The following PPFIBP1 variants were observed in gnomAD, a reference collection of about 807,000 sequenced individuals.
PPFIBP1 encodes PPFIB scaffold protein 1.
A neutral mutation model predicts 137.8 loss-of-function variants in PPFIBP1; 112 were observed. The ratio of observed to expected loss-of-function variants is 0.81; its 90% CI spans 0.70 to 0.95. The LOEUF is 0.95. Ranked by LOEUF, PPFIBP1 falls within the 40% of genes least tolerant of loss-of-function variation. PPFIBP1 has a pLI of 0.00. For missense variants in PPFIBP1, 1,083 were observed against 1,196.6 expected (o/e 0.91, Z 1.40); for synonymous variants, 378 against 417.3 (o/e 0.91, Z 1.15).
intron 17 of PPFIBP1, among the ~76,000 whole-genome samples, chr12:27,674,988 T>A (rs1031786803): frequency 1.6e-5 from 2 of 126,024 alleles, no homozygotes; most frequent in Non-Finnish European, 3.4e-5. Flanking sequence ...GTTTTTTTTT[T>A]TCGTTTGTTT....
At chr12:27,636,767 G>C (rs1223976794) in intron 4 of PPFIBP1, 1 of 152,226 alleles carries the variant, frequency 6.6e-6, no homozygotes, top group Non-Finnish European at 1.5e-5. Context: ...CTTACTGTGG[G>C]CTGCAAGGCC....
At chr12:27,572,666 G>T (rs958329713) in intron 1 of PPFIBP1, among the ~76,000 whole-genome samples, 1 of 152,102 alleles carries the variant, frequency 6.6e-6, no homozygotes, top group African/African-American at 2.4e-5. Flanking sequence ...ATGGAAAATG[G>T]GTTCACTGAG....
intron 11 of PPFIBP1, among the ~76,000 whole-genome samples, chr12:27,661,404 T>G (rs544382163): frequency 6.6e-6 from 1 of 152,200 alleles, no homozygotes; most frequent in Non-Finnish European, 1.5e-5. Context: ...CCCGAGAGAT[T>G]AAATACCAGA....
chr12:27,604,791 G>A (rs2054347308), intron 2 of PPFIBP1, among the ~76,000 whole-genome samples: 1 of 152,176 alleles, frequency 6.6e-6, no homozygotes, highest in Admixed American at 6.5e-5. Flanking sequence ...ACACACCCGA[G>A]ACTGGGAAAT....
At chr12:27,659,126 T>TC (rs1253004716) in intron 10 of PPFIBP1, among the ~76,000 whole-genome samples, 1 of 152,168 alleles carries the variant, frequency 6.6e-6, no homozygotes, top group Non-Finnish European at 1.5e-5. Context: ...TTCCCTGCAG[T>TC]CTAGGTGATT....
chr12:27,664,166 A>G (rs1004805852), intron 11 of PPFIBP1, among the ~76,000 whole-genome samples, 196 bp from the exon 12 acceptor site: 1 of 152,218 alleles, frequency 6.6e-6, no homozygotes, highest in Non-Finnish European at 1.5e-5. Context: ...AGTTATTACC[A>G]GTTCTCCTAA....
chr12:27,529,855 A>G (rs1272108100), intron 1 of PPFIBP1, among the ~76,000 whole-genome samples: 2 of 152,176 alleles, frequency 1.3e-5, no homozygotes, highest in African/African-American at 4.8e-5. Flanking sequence ...GGTATGCAGT[A>G]ATACTGTACC....
At chr12:27,647,921 T>C (rs1450441391) in intron 6 of PPFIBP1, 79 bp downstream of exon 6, 2 of 1,478,324 alleles carry the variant, frequency 1.4e-6, no homozygotes, top group Non-Finnish European at 1.8e-6. Flanking sequence ...TTGTGTTTGC[T>C]CTGATGCAGC....
At position 27,687,417 on chromosome 12, in the gene PPFIBP1, G is replaced by T. The variant is rs768158772; in HGVS notation, c.2280G>T (p.Val760=). Residue 760 remains valine, a synonymous_variant, in exon 25 of 30, where the codon GTG becomes GTT. Transcript: ENST00000228425. ...TACTGTCTCTGAAGGTTGTAAGTGT[G>T]CTACACCATCTCAGTATCAAAAGGG... The part of the protein sequence containing the change: ...DDLLSLKVVS[V]LHHLSIKRAI... The T allele has an allele frequency of 6.2e-7, 1 of 1,614,000 alleles. No individual in the cohort carries two copies. The highest frequency in any genetic ancestry group is 1.1e-5 in the South Asian group (1 of 91,072).
At chr12:27,557,502 G>A (rs1197455285) in intron 1 of PPFIBP1, among the ~76,000 whole-genome samples, 1 of 152,000 alleles carries the variant, frequency 6.6e-6, no homozygotes, top group Non-Finnish European at 1.5e-5. Flanking sequence ...ACGCCTGCTG[G>A]GATTACAGGC....
intron 2 of PPFIBP1, among the ~76,000 whole-genome samples, chr12:27,628,475 G>C (rs2057013972): frequency 6.6e-6 from 1 of 152,170 alleles, no homozygotes; most frequent in Admixed American, 6.5e-5. Context: ...CACTGTGCTT[G>C]GCCTTGGATG....
intron 2 of PPFIBP1, among the ~76,000 whole-genome samples, chr12:27,585,027 A>G (rs1301681314): frequency 6.6e-6 from 1 of 152,224 alleles, no homozygotes; most frequent in Non-Finnish European, 1.5e-5. Flanking sequence ...ATTAACTTGC[A>G]TAAATGTGTA....
chr12:27,643,498 C>T lies in PPFIBP1; in HGVS notation c.271-2564C>T, dbSNP rs12811018. On this transcript the variant is annotated intron_variant, in intron 4 of 29. Transcript: ENST00000228425. ...AGCAAACAGTGAATTCAAGGAAGACCTCACAGACCAAGCCCTGATAGAGGT... is the reference window on the plus strand; with the variant it reads ...AGCAAACAGTGAATTCAAGGAAGACTTCACAGACCAAGCCCTGATAGAGGT... Among the ~76,000 whole-genome samples, 798 of 121,874 alleles carry T rather than the reference C, an allele frequency of 6.5e-3. 4 individuals are homozygous for T. Among genetic ancestry groups the T allele is most frequent in the Non-Finnish European group, 8.2e-3 (463 of 56,652 alleles). 80.0% of individuals were successfully genotyped at this position (121,874 alleles called of 152,430 possible).
intron 5 of PPFIBP1, among the ~76,000 whole-genome samples, chr12:27,647,429 A>T (rs2058591905): frequency 6.6e-6 from 1 of 152,210 alleles, no homozygotes; most frequent in African/African-American, 2.4e-5. Context: ...CCCCCTAAAA[A>T]GATAACTTCT....
intron 6 of PPFIBP1, among the ~76,000 whole-genome samples, chr12:27,648,151 T>C (rs2058655613): frequency 6.6e-6 from 1 of 152,052 alleles, no homozygotes; most frequent in South Asian, 2.1e-4. Context: ...AATATAATAG[T>C]AAAAAATCTA....
intron 1 of PPFIBP1, among the ~76,000 whole-genome samples, chr12:27,564,612 A>G (rs529762053): frequency 1.3e-5 from 2 of 152,282 alleles, no homozygotes; most frequent in South Asian, 2.1e-4. Context: ...CTTTTCTCCA[A>G]CAGTCTCCAA....
chr12:27,620,656 T>C (rs2056256635), intron 2 of PPFIBP1, among the ~76,000 whole-genome samples: 1 of 152,124 alleles, frequency 6.6e-6, no homozygotes, highest in African/African-American at 2.4e-5. Flanking sequence ...TCTAGCTGTG[T>C]GACTTGGTGC....
At position 27,695,093 on chromosome 12, in the gene PPFIBP1, A is replaced by G. The variant is rs2061706474; in HGVS notation, c.*2211A>G. The G allele has an allele frequency of 1.3e-5, 2 of 150,964 alleles. No individual in the cohort carries two copies. The highest frequency in any genetic ancestry group is 6.7e-5 in the Admixed American group (1 of 14,948). The allele number at this position is 150,964 out of a possible 1,614,324, so 9.4% of individuals were successfully genotyped here. On this transcript the variant is annotated 3_prime_UTR_variant, in exon 30 of 30. Coordinates refer to ENST00000228425, the MANE Select transcript of PPFIBP1 (RefSeq NM_003622.4). ...CAATTTGTTCTTAGAACCTGGTTGAAAATACCAGGAAACTGTTACAGACGC... is the reference window on the plus strand; with the variant it reads ...CAATTTGTTCTTAGAACCTGGTTGAGAATACCAGGAAACTGTTACAGACGC...
chr12:27,589,240 T>C (rs1229194729), intron 2 of PPFIBP1, among the ~76,000 whole-genome samples: 1 of 152,252 alleles, frequency 6.6e-6, no homozygotes. Context: ...TTTAGCACTC[T>C]CTAGGAAATC....
Sources: gnomAD v4.1 joint callset for allele counts (sites outside exome capture counted in the v4.1 genomes callset) on GRCh38, gnomAD v4.1.1 for gene constraint, MANE v1.5 for transcripts, NCBI Gene and HGNC (gene_info 2026-07-23, HGNC 2026-07-21) for gene names.